AFG2A: variants seen among roughly 807,000 people sequenced by gnomAD.
AFG2A encodes ATPase family gene 2 protein homolog A.
the AFG2A span, among the ~76,000 whole-genome samples, chr4:123,233,320 T>C: frequency 6.6e-6 from 1 of 151,578 alleles, no homozygotes; most frequent in South Asian, 2.1e-4. Flanking sequence ...TCCCGCACCC[T>C]CAGAGAAAGT....
chr4:123,079,283 A>AT, the AFG2A span, among the ~76,000 whole-genome samples: 77 of 152,262 alleles, frequency 5.1e-4, no homozygotes, highest in African/African-American at 1.8e-3. Flanking sequence ...TTACTTAGCT[A>AT]TTTTTTTACT....
chr4:123,087,872 A>G, the AFG2A span, among the ~76,000 whole-genome samples: 4 of 152,130 alleles, frequency 2.6e-5, no homozygotes, highest in South Asian at 2.1e-4. Flanking sequence ...TCAGCTTTTT[A>G]CTTGCTGTTA....
the AFG2A span, among the ~76,000 whole-genome samples, chr4:123,057,906 C>T: frequency 3.3e-5 from 5 of 151,936 alleles, no homozygotes; most frequent in Non-Finnish European, 4.4e-5. Flanking sequence ...ACAAGTGGTT[C>T]ATGTTGGGTA....
At chr4:123,129,833 G>C in the AFG2A span, among the ~76,000 whole-genome samples, 1 of 151,824 alleles carries the variant, frequency 6.6e-6, no homozygotes, top group African/African-American at 2.4e-5. Context: ...ATGTCTCAAA[G>C]GCACTTGCAG....
chr4:122,932,640 A>G, the AFG2A span, among the ~76,000 whole-genome samples: 1 of 152,214 alleles, frequency 6.6e-6, no homozygotes, highest in Admixed American at 6.5e-5. Flanking sequence ...GAACTCCTCA[A>G]GAGCAGATTT....
At chr4:123,092,178 A>G in the AFG2A span, among the ~76,000 whole-genome samples, 1 of 152,178 alleles carries the variant, frequency 6.6e-6, no homozygotes, top group Non-Finnish European at 1.5e-5. Flanking sequence ...TATACAAAGT[A>G]TAAGACTGTA....
the AFG2A span, among the ~76,000 whole-genome samples, chr4:122,975,688 T>A: frequency 6.6e-6 from 1 of 152,068 alleles, no homozygotes; most frequent in South Asian, 2.1e-4. Context: ...GAATCTTTTA[T>A]AATGGACAGT....
chr4:123,047,177 C>G, the AFG2A span, among the ~76,000 whole-genome samples: 8 of 152,154 alleles, frequency 5.3e-5, no homozygotes, highest in Non-Finnish European at 1.2e-4. Context: ...CTCCCCACTG[C>G]TTTCCGTAAA....
chr4:122,972,262 C>A, the AFG2A span, among the ~76,000 whole-genome samples: 1 of 151,842 alleles, frequency 6.6e-6, no homozygotes, highest in Non-Finnish European at 1.5e-5. Flanking sequence ...GAAACTTGTT[C>A]ATTTTATCTA....
the AFG2A span, among the ~76,000 whole-genome samples, chr4:123,155,209 C>T: frequency 6.6e-6 from 1 of 152,038 alleles, no homozygotes; most frequent in African/African-American, 2.4e-5. Context: ...TTCAGCCTCC[C>T]GAGTAGCGTG....
the AFG2A span, among the ~76,000 whole-genome samples, chr4:123,055,303 G>T: frequency 6.6e-6 from 1 of 151,982 alleles, no homozygotes; most frequent in Non-Finnish European, 1.5e-5. Context: ...ATATTTTTGA[G>T]GATGTGAAAT....
chr4:122,932,367 AT>A, the AFG2A span, among the ~76,000 whole-genome samples: 4 of 151,516 alleles, frequency 2.6e-5, no homozygotes, highest in Non-Finnish European at 4.4e-5. Flanking sequence ...TTTCTTTTGT[AT>A]TTTTTGTAGA....
the AFG2A span, among the ~76,000 whole-genome samples, chr4:123,153,418 A>G: frequency 2.0e-5 from 3 of 152,248 alleles, 1 homozygote; most frequent in South Asian, 6.2e-4. Context: ...TGTAGATTCA[A>G]CCTCTTGATG....
At chr4:123,235,415 A>G in the AFG2A span, among the ~76,000 whole-genome samples, 1 of 152,196 alleles carries the variant, frequency 6.6e-6, no homozygotes, top group Non-Finnish European at 1.5e-5. Context: ...CAGCTGTCCT[A>G]GGAGACAGTG....
the AFG2A span, among the ~76,000 whole-genome samples, chr4:123,257,703 G>C: frequency 6.6e-6 from 1 of 152,222 alleles, no homozygotes; most frequent in East Asian, 1.9e-4. Flanking sequence ...TTTGAGACGA[G>C]GGCTGGCATC....
At chr4:123,111,172 T>C in the AFG2A span, among the ~76,000 whole-genome samples, 1 of 152,326 alleles carries the variant, frequency 6.6e-6, no homozygotes, top group East Asian at 1.9e-4. Context: ...TGTATTTTTT[T>C]TTCATTTTAC....
At chr4:123,181,205 C>T in the AFG2A span, among the ~76,000 whole-genome samples, 6 of 151,868 alleles carry the variant, frequency 4.0e-5, no homozygotes, top group Non-Finnish European at 7.4e-5. Context: ...AGGATGGTCT[C>T]GATCTCCTGA....
At chr4:123,274,928 T>C in the AFG2A span, among the ~76,000 whole-genome samples, 1 of 152,166 alleles carries the variant, frequency 6.6e-6, no homozygotes, top group Non-Finnish European at 1.5e-5. Flanking sequence ...ATATGACTTA[T>C]ACACTACATG....
At chr4:123,196,838 G>C in the AFG2A span, among the ~76,000 whole-genome samples, 1 of 152,130 alleles carries the variant, frequency 6.6e-6, no homozygotes, top group Non-Finnish European at 1.5e-5. Context: ...ACTATTTATA[G>C]ATTAGTAGGA....
Sources: gnomAD v4.1 joint callset for allele counts (sites outside exome capture counted in the v4.1 genomes callset) on GRCh38, gnomAD v4.1.1 for gene constraint, MANE v1.5 for transcripts, NCBI Gene and HGNC (gene_info 2026-07-23, HGNC 2026-07-21) for gene names.